The following RRP12 variants were observed in gnomAD, a reference collection of about 807,000 sequenced individuals.
RRP12 encodes ribosomal RNA processing 12 homolog.
In RRP12, 78 loss-of-function variants were observed where a neutral mutation model predicts 157.3. That is an observed-to-expected ratio of 0.50 (90% CI 0.41 to 0.60). The LOEUF is 0.60. Among genes scored for constraint, RRP12 ranks in the 20% least tolerant of loss-of-function variants. RRP12 has a pLI of 0.00. For synonymous variants in RRP12, 726 were observed against 670.9 expected (o/e 1.08, Z -1.27); for missense variants, 1,521 against 1,679.9 (o/e 0.91, Z 1.65).
In RRP12 at chr10:97,367,095, C is replaced by T. The variant is rs748890104; in HGVS notation, c.2993G>A (p.Arg998Gln). ...AIGKLSDDMR[R>Q]HFRMKLRNLF... ...GTTCCGAAGCTTCATGCGGAAGTGC[C>T]GCCGCATGTCATCTGAAAGCTTCCC... The change falls in exon 26 of 34, where the codon CGG becomes CAG. Residue 998 changes from arginine (R) to glutamine (Q), a missense_variant. By Grantham distance (43) the Arg-to-Gln change is conservative (BLOSUM62 1). Transcript: ENST00000370992. The T allele has an allele frequency of 8.1e-6, 13 of 1,614,066 alleles. No homozygotes were observed. Among genetic ancestry groups the T allele is most frequent in the Middle Eastern group, 1.6e-4 (1 of 6,084 alleles).
chr10:97,366,947 C>T (rs1323625780), intron 26 of RRP12, 38 bp from the exon 27 acceptor site: 1 of 1,609,860 alleles, frequency 6.2e-7, no homozygotes, highest in Non-Finnish European at 8.5e-7. Flanking sequence ...GAGGCACTGG[C>T]CAGACAGCAC....
At chr10:97,362,733 G>A (rs1843877171) in intron 30 of RRP12, among the ~76,000 whole-genome samples, 1 of 152,140 alleles carries the variant, frequency 6.6e-6, no homozygotes, top group African/African-American at 2.4e-5. Context: ...GGCTGCTCAG[G>A]TCCTCAGCTA....
chr10:97,358,808 C>T, intron 32 of RRP12, 135 bp downstream of exon 32: 2 of 817,230 alleles, frequency 2.4e-6, no homozygotes, highest in Non-Finnish European at 4.1e-6. Context: ...AGCATCTGAA[C>T]CCCTTCTTCT....
chr10:97,367,183 C>G, intron 25 of RRP12, 51 bp from the exon 26 acceptor site: 1 of 1,492,304 alleles, frequency 6.7e-7, no homozygotes, highest in Non-Finnish European at 9.3e-7. Flanking sequence ...CCATGCTGCG[C>G]CCCCTTTACT....
At chr10:97,376,968 C>T (rs1258187637) in intron 15 of RRP12, among the ~76,000 whole-genome samples, 1 of 151,596 alleles carries the variant, frequency 6.6e-6, no homozygotes, top group Non-Finnish European at 1.5e-5. Flanking sequence ...CAACCTCCGC[C>T]CCCCAGAGTC....
rs762542693 is a variant in RRP12, at chr10:97,363,825, C to G, written c.3567+29G>C. The G allele has an allele frequency of 2.5e-6, 4 of 1,603,924 alleles. No homozygotes were observed. The Admixed American group carries it at 6.7e-5, about 27-fold the overall frequency. Reference sequence around the variant, plus strand: ...GGAGCCCAGGCTTAGGTCTGAAGCCCTAGCCCCCCATCTGCAGGAACTACT... The same window carrying G: ...GGAGCCCAGGCTTAGGTCTGAAGCCGTAGCCCCCCATCTGCAGGAACTACT... On this transcript the variant is annotated intron_variant, in intron 30 of 33. Coordinates refer to ENST00000370992, the MANE Select transcript of RRP12 (RefSeq NM_015179.4).
chr10:97,387,131 C>T (rs75859296), intron 8 of RRP12, among the ~76,000 whole-genome samples: 10 of 152,182 alleles, frequency 6.6e-5, no homozygotes, highest in East Asian at 1.9e-4. Flanking sequence ...ATAACCTACA[C>T]GCATCCTCCC....
At chr10:97,381,562 T>G (rs1844468337) in intron 11 of RRP12, 79 bp from the exon 12 acceptor site, 2 of 1,297,200 alleles carry the variant, frequency 1.5e-6, no homozygotes, top group Admixed American at 2.3e-5. Context: ...AACAGTTTCC[T>G]GGGAGTCTAA....
At chr10:97,379,803 C>A in intron 13 of RRP12, 33 bp from the exon 14 acceptor site, 1 of 1,567,406 alleles carries the variant, frequency 6.4e-7, no homozygotes, top group Non-Finnish European at 8.6e-7. Flanking sequence ...CACATCAAGA[C>A]ATGCTCGAAA....
chr10:97,373,610 G>C lies in RRP12; in HGVS notation c.1991C>G (p.Ala664Gly), dbSNP rs1844221898. 2 of 1,611,560 alleles carry C rather than the reference G, an allele frequency of 1.2e-6. No individual in the cohort carries two copies. Among genetic ancestry groups the C allele is most frequent in the Non-Finnish European group, 1.7e-6 (2 of 1,178,924 alleles). The change falls in exon 17 of 34, where the codon GCC becomes GGC. Residue 664 changes from alanine to glycine, a missense_variant. Coordinates refer to ENST00000370992, the MANE Select transcript of RRP12 (RefSeq NM_015179.4). ...GCCCTTGGTGATGAGGGTGCGCAGG[G>C]CCTGGCACACGGTGACCCTCAGGTC... ...RPDLRVTVCQ[A>G]LRTLITKGCQ... is the part of the protein sequence containing the mutation.
rs1473915415 is a variant in RRP12 at position 97,379,653 on chromosome 10, C to T, written c.1651G>A (p.Val551Met). Residue 551 changes from valine to methionine, a missense_variant, in exon 14 of 34, where the codon GTG becomes ATG. Transcript: ENST00000370992. ...SMGPEVVLQA[V>M]PLEIDGSEET... ...TCAGAGCCATCAATTTCCAAAGGCA[C>T]AGCCTGCAGCACCACCTCAGGTCCC... is the stretch of plus-strand genomic sequence containing the variant. The T allele has an allele frequency of 1.2e-6, 2 of 1,614,042 alleles. No individual in the cohort carries two copies. Among genetic ancestry groups the T allele is most frequent in the South Asian group, 1.1e-5 (1 of 91,074 alleles).
chr10:97,370,297 G>A (rs1844106569), intron 23 of RRP12, 23 bp from the exon 24 acceptor site: 5 of 1,552,484 alleles, frequency 3.2e-6, no homozygotes, highest in Non-Finnish European at 4.4e-6. Flanking sequence ...ACCAACGTGG[G>A]TCAAGCAGGA....
intron 15 of RRP12, among the ~76,000 whole-genome samples, chr10:97,374,789 A>AC (rs1844260554): frequency 6.6e-6 from 1 of 150,928 alleles, no homozygotes; most frequent in East Asian, 2.0e-4. Flanking sequence ...AAAAAAAAAA[A>AC]CCATAGGGAG....
Position 97,385,194 on chromosome 10 carries a change from T to C in RRP12, c.1180A>G (p.Met394Val). 1.2e-6 allele frequency: 2 copies of C among 1,614,036 alleles called. No homozygotes were observed. The highest frequency in any genetic ancestry group is 1.7e-6 in the Non-Finnish European group (2 of 1,179,914). Residue 394 changes from methionine (M) to valine (V), a missense_variant, in exon 10 of 34, where the codon ATG (methionine) becomes GTG (valine). Met to Val is a conservative substitution (Grantham distance 21). Coordinates refer to ENST00000370992, the MANE Select transcript of RRP12 (RefSeq NM_015179.4). ...ACCAGGTTGATGTGGGCTTTCTCCA[T>C]GACCTTAAGCCAGGCTAGCAGGGGT... ...LQPLLAWLKV[M>V]EKAHINLVRL...
At position 97,356,845 on chromosome 10, in the gene RRP12, G is replaced by A. The variant is rs546401186; in HGVS notation, c.*249C>T. 3 of 425,782 alleles carry A rather than the reference G, an allele frequency of 7.0e-6. No individual in the cohort carries two copies. In the East Asian group the frequency reaches 1.2e-4, roughly 17 times the overall value. The allele number at this position is 425,782 out of a possible 1,614,324, so 26.4% of individuals were successfully genotyped here. ...ATGGCCACTCTGGGCAGAAAGCAAAGGTGCCTCATGGCACCTACTCAGAGG... is the reference window on the plus strand; with the variant it reads ...ATGGCCACTCTGGGCAGAAAGCAAAAGTGCCTCATGGCACCTACTCAGAGG... On this transcript the variant is annotated 3_prime_UTR_variant, in exon 34 of 34. Transcript: ENST00000370992.
chr10:97,364,553 C>T (rs1843923301), intron 29 of RRP12, among the ~76,000 whole-genome samples: 3 of 152,190 alleles, frequency 2.0e-5, no homozygotes, highest in Non-Finnish European at 4.4e-5. Flanking sequence ...CCCATCACTA[C>T]TAAAAATACA....
At chr10:97,373,227 A>G (rs1564754996) in intron 17 of RRP12, 27 bp from the exon 18 acceptor site, 1 of 1,611,394 alleles carries the variant, frequency 6.2e-7, no homozygotes, top group African/African-American at 1.3e-5. Context: ...AGTTTGCACT[A>G]AAGGCACAGG....
rs1363807894 is a variant in RRP12 at position 97,393,777 on chromosome 10, G to A, written c.454-17C>T. 3 of 1,611,318 alleles carry A rather than the reference G, an allele frequency of 1.9e-6. No homozygotes were observed. The East Asian group carries it at 6.7e-5, about 36-fold the overall frequency. ...TGTTGTCATCTGAGGGCCAGATTGA[G>A]GGGGTTTGAATGGATAAAAACTTAC... On this transcript the variant is annotated splice_polypyrimidine_tract_variant and intron_variant, in intron 3 of 33. Coordinates refer to ENST00000370992, the MANE Select transcript of RRP12 (RefSeq NM_015179.4).
At chr10:97,365,018 C>G (rs1589412294) in intron 29 of RRP12, among the ~76,000 whole-genome samples, 1 of 152,164 alleles carries the variant, frequency 6.6e-6, no homozygotes, top group East Asian at 1.9e-4. Flanking sequence ...AGTACATACG[C>G]TGTCCCCATT....
Sources: gnomAD v4.1 joint callset for allele counts (sites outside exome capture counted in the v4.1 genomes callset) on GRCh38, gnomAD v4.1.1 for gene constraint, MANE v1.5 for transcripts, NCBI Gene and HGNC (gene_info 2026-07-23, HGNC 2026-07-21) for gene names.